COL11A1: variants seen among roughly 807,000 people sequenced by gnomAD.
COL11A1 encodes the protein collagen type XI alpha 1 chain.
COL11A1 carries 74 observed loss-of-function variants against 265.2 expected under a neutral mutation model. That is an observed-to-expected ratio of 0.28 (90% confidence interval 0.23 to 0.34). COL11A1 has a LOEUF of 0.34. Among genes scored for constraint, COL11A1 ranks in the 10% least tolerant of loss-of-function variants. The pLI is 1.00. For missense variants in COL11A1, 2,165 were observed against 2,263.6 expected (o/e 0.96, Z 0.88); for synonymous variants, 816 against 727.6 (o/e 1.12, Z -1.96).
chr1:102,895,130 C>T (rs967570290), intron 57 of COL11A1, among the ~76,000 whole-genome samples: 2 of 152,122 alleles, frequency 1.3e-5, no homozygotes, highest in African/African-American at 4.8e-5. Context: ...TACTATATCA[C>T]ATCTGACTCT....
At chr1:102,911,480 G>A (rs915991886) in intron 54 of COL11A1, among the ~76,000 whole-genome samples, 5 of 152,048 alleles carry the variant, frequency 3.3e-5, no homozygotes, top group Admixed American at 6.6e-5. Flanking sequence ...CTCATGTGCC[G>A]GTTTGAAAAT....
At position 103,074,822 on chromosome 1, in the gene COL11A1, A is replaced by C. The variant is rs550735245; in HGVS notation, c.489-42T>G. 35 of 1,605,424 alleles carry C rather than the reference A, an allele frequency of 2.2e-5. No individual in the cohort carries two copies. In the East Asian group the frequency reaches 7.8e-4, roughly 36 times the overall value. On this transcript the variant is annotated intron_variant, in intron 3 of 66. Transcript: ENST00000370096. ...ATTCTTTTGTAAGCTTCAAAGAAAC[A>C]GTGGTTGCCAAAGCAGTATTCACAT...
intron 30 of COL11A1, 44 bp downstream of exon 30, chr1:102,987,589 C>G: frequency 7.3e-7 from 1 of 1,376,670 alleles, no homozygotes. Context: ...GATAATGAAA[C>G]ATCAGCTGCA....
intron 13 of COL11A1, among the ~76,000 whole-genome samples, chr1:103,013,769 C>T (rs1405424640): frequency 6.6e-6 from 1 of 151,630 alleles, no homozygotes; most frequent in African/African-American, 2.4e-5. Context: ...ATATCCATAC[C>T]AAACAAAAAT....
intron 46 of COL11A1, among the ~76,000 whole-genome samples, chr1:102,929,151 C>T (rs1271942591): frequency 1.5e-5 from 2 of 133,924 alleles, no homozygotes; most frequent in African/African-American, 5.4e-5. Context: ...GTGTTTTAGA[C>T]ATGAAGTCCT....
intron 41 of COL11A1, among the ~76,000 whole-genome samples, chr1:102,957,617 A>T (rs573401710): frequency 6.6e-6 from 1 of 152,218 alleles, no homozygotes; most frequent in South Asian, 2.1e-4. Flanking sequence ...ATTCAAAATA[A>T]GCAATAGTTA....
intron 25 of COL11A1, among the ~76,000 whole-genome samples, chr1:102,997,633 C>T (rs1339890914): frequency 1.3e-5 from 2 of 151,676 alleles, no homozygotes; most frequent in African/African-American, 4.8e-5. Context: ...CAATTATACC[C>T]AATAACAAGG....
chr1:102,882,803 G>T (rs1241183), intron 64 of COL11A1, among the ~76,000 whole-genome samples: 15,405 of 152,152 alleles, frequency 0.1, 882 homozygotes, highest in Middle Eastern at 0.2. Flanking sequence ...GTGCAGAAAA[G>T]ACTTGTATAT....
rs1354142289 is a variant in COL11A1, at chr1:103,108,381, TG to T, written c.-204del. ...CTAGCCCTTTCCTCTCCCTCTGAGTTGGCCCCACCGGCCGGGACCCTCCGGC... is the reference window on the plus strand; with the variant it reads ...CTAGCCCTTTCCTCTCCCTCTGAGTTGCCCCACCGGCCGGGACCCTCCGGC... On this transcript the variant is annotated 5_prime_UTR_variant, in exon 1 of 67. Coordinates refer to ENST00000370096, the MANE Select transcript of COL11A1 (RefSeq NM_001854.4). The T allele has an allele frequency of 1.6e-6, 1 of 629,930 alleles. No homozygotes were observed. 39.0% of individuals were successfully genotyped at this position (629,930 alleles called of 1,614,324 possible).
chr1:103,049,037 A>G (rs1279421165), intron 4 of COL11A1, among the ~76,000 whole-genome samples: 1 of 152,118 alleles, frequency 6.6e-6, no homozygotes, highest in Non-Finnish European at 1.5e-5. Context: ...TCAATTTTGG[A>G]ATAGGTGTGG....
At chr1:102,948,535 T>C (rs1467525631) in intron 41 of COL11A1, among the ~76,000 whole-genome samples, 1 of 151,968 alleles carries the variant, frequency 6.6e-6, no homozygotes, top group Admixed American at 6.6e-5. Flanking sequence ...TTGAGCTTTA[T>C]ATAAACAAAA....
intron 40 of COL11A1, 127 bp from the exon 41 acceptor site, chr1:102,962,046 A>G (rs1302539563): frequency 1.9e-5 from 19 of 1,020,866 alleles, no homozygotes; most frequent in Non-Finnish European, 2.9e-5. Context: ...ATATACACAT[A>G]TATGTAATGA....
intron 21 of COL11A1, 112 bp from the exon 22 acceptor site, chr1:103,002,903 C>A: frequency 1.9e-6 from 2 of 1,038,290 alleles, no homozygotes; most frequent in South Asian, 1.4e-5. Flanking sequence ...AACTAAAAAT[C>A]ATTTTAGGAT....
At chr1:102,999,465 A>G (rs1664919167) in intron 24 of COL11A1, among the ~76,000 whole-genome samples, 1 of 151,938 alleles carries the variant, frequency 6.6e-6, no homozygotes, top group African/African-American at 2.4e-5. Context: ...GTTATGTAAC[A>G]TCAATTGCTA....
chr1:103,046,805 G>T (rs1292246195), intron 4 of COL11A1, among the ~76,000 whole-genome samples: 1 of 151,260 alleles, frequency 6.6e-6, no homozygotes, highest in East Asian at 1.9e-4. Flanking sequence ...AAGGGATCCA[G>T]TTTCAGCTTT....
At chr1:103,097,922 C>A (rs1347943358) in intron 1 of COL11A1, among the ~76,000 whole-genome samples, 1 of 151,860 alleles carries the variant, frequency 6.6e-6, no homozygotes, top group Non-Finnish European at 1.5e-5. Context: ...CAATCCTGAA[C>A]TTTTTTATAT....
intron 8 of COL11A1, among the ~76,000 whole-genome samples, chr1:103,022,021 T>A (rs1441544061): frequency 6.7e-6 from 1 of 150,250 alleles, no homozygotes; most frequent in African/African-American, 2.4e-5. Context: ...TAATTTTTTT[T>A]TTTTTTGTAT....
At chr1:102,969,628 G>T (rs1661760405) in intron 37 of COL11A1, among the ~76,000 whole-genome samples, 1 of 152,278 alleles carries the variant, frequency 6.6e-6, no homozygotes, top group East Asian at 1.9e-4. Context: ...ATGGTAAGTT[G>T]TTCAGTCAAT....
chr1:102,935,062 C>A lies in COL11A1; in HGVS notation c.3490G>T (p.Ala1164Ser), dbSNP rs1387864980. ...LQGPVGAPGI[A>S]GGDGEPGPRG... ...GCTGAACAATGTGGAATACTCACAG[C>A]AATTCCAGGGGCACCAACTGGTCCT... The change falls in exon 45 of 67, where the codon GCT becomes TCT. Residue 1164 changes from alanine to serine, a missense_variant and splice_region_variant. Coordinates refer to ENST00000370096, the MANE Select transcript of COL11A1 (RefSeq NM_001854.4). 1.9e-6 allele frequency: 3 copies of A among 1,613,800 alleles called. No homozygotes were observed. Among genetic ancestry groups the A allele is most frequent in the Non-Finnish European group, 2.5e-6 (3 of 1,179,854 alleles).
Sources: gnomAD v4.1 joint callset for allele counts (sites outside exome capture counted in the v4.1 genomes callset) on GRCh38, gnomAD v4.1.1 for gene constraint, MANE v1.5 for transcripts, NCBI Gene and HGNC (gene_info 2026-07-23, HGNC 2026-07-21) for gene names.